The following SNED1 variants were observed in gnomAD, a reference collection of about 807,000 sequenced individuals.
SNED1 encodes sushi, nidogen and EGF-like domain-containing protein 1.
SNED1 carries 81 observed loss-of-function variants against 166.7 expected under a neutral mutation model. The observed-to-expected ratio is 0.49, with a 90% CI of 0.41 to 0.58. The LOEUF is 0.58. SNED1 is among the 20% of genes least tolerant of loss of function. SNED1 has a pLI of 0.00. For missense variants in SNED1, 1,604 were observed against 2,000.2 expected, an observed-to-expected ratio of 0.80 and a Z score of 3.78; for synonymous variants, 762 against 822.0, an observed-to-expected ratio of 0.93 and a Z score of 1.25.
intron 4 of SNED1, among the ~76,000 whole-genome samples, chr2:241,035,037 C>T (rs1277870732): frequency 2.6e-5 from 4 of 152,066 alleles, no homozygotes; most frequent in Admixed American, 6.5e-5. Context: ...CTGGAGACTG[C>T]GGGTTTCGGG....
At chr2:241,025,462 C>T (rs2060930785) in intron 1 of SNED1, among the ~76,000 whole-genome samples, 1 of 152,166 alleles carries the variant, frequency 6.6e-6, no homozygotes, top group African/African-American at 2.4e-5. Context: ...AATGCAATGA[C>T]CTTGGAACAC....
intron 16 of SNED1, among the ~76,000 whole-genome samples, chr2:241,054,125 T>C (rs1432120872): frequency 2.1e-5 from 2 of 97,070 alleles, no homozygotes; most frequent in African/African-American, 1.2e-4. Flanking sequence ...CCTTTCCTTC[T>C]GGGATTTCAA....
chr2:241,090,687 T>C (rs1480711695), intron 31 of SNED1, among the ~76,000 whole-genome samples: 1 of 152,084 alleles, frequency 6.6e-6, no homozygotes, highest in African/African-American at 2.4e-5. Context: ...GCCAACATGA[T>C]GAAACCCTGT....
chr2:241,066,220 G>A (rs1424454484), intron 21 of SNED1, among the ~76,000 whole-genome samples: 1 of 152,156 alleles, frequency 6.6e-6, no homozygotes, highest in Non-Finnish European at 1.5e-5. Flanking sequence ...AGATTGCAGG[G>A]GAGGCCCGGG....
intron 27 of SNED1, among the ~76,000 whole-genome samples, chr2:241,079,773 G>A (rs2125294138): frequency 6.6e-6 from 1 of 152,268 alleles, no homozygotes; most frequent in South Asian, 2.1e-4. Context: ...ATTTTAATAA[G>A]AGTAGTCTGT....
chr2:241,060,070 G>A (rs548691089), intron 16 of SNED1, among the ~76,000 whole-genome samples: 1 of 152,312 alleles, frequency 6.6e-6, no homozygotes, highest in Admixed American at 6.5e-5. Flanking sequence ...TATAGAACCT[G>A]TTGTAGCAGT....
intron 2 of SNED1, 41 bp downstream of exon 2, chr2:241,030,612 C>G: frequency 6.3e-7 from 1 of 1,597,010 alleles, no homozygotes; most frequent in Non-Finnish European, 8.6e-7. Context: ...GGGTGTGTGG[C>G]TAGGGCCCAG....
At position 241,073,403 on chromosome 2, in the gene SNED1, G is replaced by T. The variant is rs375225220; in HGVS notation, c.3916+39G>T. On this transcript the variant is annotated intron_variant, in intron 27 of 31. Coordinates refer to ENST00000310397, the MANE Select transcript of SNED1 (RefSeq NM_001080437.3). This position sits in a 1 kb window ranked among gnomAD's most constrained non-coding sequence, Gnocchi z 6.6. ...GCTGGTGGGGACTTTGGGACTGACT[G>T]ACTGCTCTCAGGGGCCTTAGAGGCT... The T allele has an allele frequency of 1.1e-4, 171 of 1,503,046 alleles. 1 individual carries two copies. Among genetic ancestry groups the T allele is most frequent in the Non-Finnish European group, 4.5e-6 (5 of 1,102,916 alleles). 93.1% of individuals were successfully genotyped at this position (1,503,046 alleles called of 1,614,324 possible).
At position 241,069,157 on chromosome 2, in the gene SNED1, C is replaced by G. The variant is rs188277670; in HGVS notation, c.3307+134C>G. 17 of 631,840 alleles carry G rather than the reference C, an allele frequency of 2.7e-5. No individual in the cohort carries two copies. In the East Asian group the frequency reaches 4.8e-4, roughly 18 times the overall value. The allele number at this position is 631,840 out of a possible 1,614,324, so 39.1% of individuals were successfully genotyped here. A position where few individuals can be genotyped will look rare whatever the true frequency, so the allele number is the denominator to read the frequency against. On this transcript the variant is annotated intron_variant, in intron 23 of 31. Coordinates refer to ENST00000310397, the MANE Select transcript of SNED1 (RefSeq NM_001080437.3). The surrounding 1 kb of genome is among the most constrained non-coding windows in gnomAD (Gnocchi z 4.9). ...CCAGCCCCTGGCCTCCCAGATGTCT[C>G]TTCCGCTGGGGCCACTGGGCAGGAG...
In SNED1 at chr2:241,093,047, T is replaced by G. The variant is rs1160546563; in HGVS notation, c.*1411T>G. On this transcript the variant is annotated 3_prime_UTR_variant, in exon 32 of 32. Transcript: ENST00000310397. Reference sequence around the variant, plus strand: ...GTTAGAGTATATTTTAGGCTTTTTATCTTTATTAAAATTTCATGTGCATGT... The same window carrying G: ...GTTAGAGTATATTTTAGGCTTTTTAGCTTTATTAAAATTTCATGTGCATGT... 1 of 152,260 alleles carries G rather than the reference T, an allele frequency of 6.6e-6. No homozygotes were observed. The highest frequency in any genetic ancestry group is 2.4e-5 in the African/African-American group (1 of 41,462). 9.4% of individuals were successfully genotyped at this position (152,260 alleles called of 1,614,324 possible).
chr2:241,015,976 C>T (rs970767461), intron 1 of SNED1: 1 of 150,080 alleles, frequency 6.7e-6, no homozygotes, highest in African/African-American at 2.5e-5. Flanking sequence ...TCCATGCCTT[C>T]TCTATACCTC....
At chr2:241,040,254 G>A (rs760949245) in intron 7 of SNED1, 46 bp from the exon 8 acceptor site, 2 of 1,571,446 alleles carry the variant, frequency 1.3e-6, no homozygotes, top group East Asian at 4.7e-5. Context: ...GCACAGGGTG[G>A]TTGTGGCCTG....
chr2:241,059,112 C>T (rs1005061984), intron 16 of SNED1, among the ~76,000 whole-genome samples: 2 of 152,170 alleles, frequency 1.3e-5, no homozygotes, highest in African/African-American at 2.4e-5. Flanking sequence ...GACAAGAGAA[C>T]ACCTATGAGC....
Position 240,999,149 on chromosome 2 carries a change from CT to C in SNED1, c.213+101del. ...GGACTCCCGCCGCCGCCGCCAGCCA[CT>C]TGGCACCGGGGCGGCCCGAGGTGGA... On this transcript the variant is annotated intron_variant, in intron 1 of 31. Coordinates refer to ENST00000310397, the MANE Select transcript of SNED1 (RefSeq NM_001080437.3). The surrounding 1 kb of genome is among the most constrained non-coding windows in gnomAD (Gnocchi z 5.8). 5.7e-6 allele frequency: 4 copies of C among 701,812 alleles called. No homozygotes were observed. Among genetic ancestry groups the C allele is most frequent in the Non-Finnish European group, 7.7e-6 (4 of 516,768 alleles). The allele number at this position is 701,812 out of a possible 1,614,324, so 43.5% of individuals were successfully genotyped here. A position where few individuals can be genotyped will look rare whatever the true frequency, so the allele number is the denominator to read the frequency against.
rs775421563 is a variant in SNED1, at chr2:241,053,187, C to T, written c.2118C>T (p.His706=). The change falls in exon 16 of 32, where the codon CAC becomes CAT. Residue 706 remains histidine (H), a synonymous_variant. Transcript: ENST00000310397. ...VDCGPPEEVK[H]ATLRFNGTRL... is the part of the protein sequence containing the mutation. ...GCGGCCCCCCGGAGGAGGTGAAGCA[C>T]GCCACACTGCGCTTCAACGGCACGC... 70 of 1,610,956 alleles carry T rather than the reference C, an allele frequency of 4.3e-5. No individual in the cohort carries two copies. The highest frequency in any genetic ancestry group is 3.8e-5 in the Non-Finnish European group (45 of 1,179,474).
chr2:241,089,043 T>C (rs1018260490), intron 31 of SNED1: 6 of 380,952 alleles, frequency 1.6e-5, no homozygotes, highest in Non-Finnish European at 2.4e-5. Context: ...CCAAACTCTT[T>C]TGGCAACCAA....
intron 1 of SNED1, among the ~76,000 whole-genome samples, chr2:241,002,132 G>A (rs2060094762): frequency 1.3e-5 from 2 of 152,074 alleles, no homozygotes; most frequent in Admixed American, 1.3e-4. Flanking sequence ...TCCTCCCTGA[G>A]CCTCTGTCTC....
intron 31 of SNED1, chr2:241,089,433 A>G: frequency 6.5e-7 from 1 of 1,548,966 alleles, no homozygotes. Flanking sequence ...ACAGCTTTTC[A>G]GATATAGGCT....
intron 16 of SNED1, among the ~76,000 whole-genome samples, chr2:241,059,616 A>T (rs2062169501): frequency 6.6e-6 from 1 of 151,590 alleles, no homozygotes; most frequent in Non-Finnish European, 1.5e-5. Context: ...TCAAGGACAC[A>T]GGTTGGTCTA....
Sources: gnomAD v4.1 joint callset for allele counts (sites outside exome capture counted in the v4.1 genomes callset) on GRCh38, gnomAD v4.1.1 for gene constraint, Gnocchi (gnomAD v3.1) non-coding constraint, MANE v1.5 for transcripts, NCBI Gene and HGNC (gene_info 2026-07-23, HGNC 2026-07-21) for gene names.